NKAIN2: variants seen among roughly 807,000 people sequenced by gnomAD.
NKAIN2 encodes sodium/potassium-transporting ATPase subunit beta-1-interacting protein 2.
A neutral mutation model predicts 32.6 loss-of-function variants in NKAIN2; 14 were observed. The observed-to-expected ratio is 0.43, with a 90% CI of 0.28 to 0.67. The LOEUF (loss-of-function observed/expected upper bound fraction) is 0.67, where lower values mean the gene tolerates loss of function less well. Among genes scored for constraint, NKAIN2 ranks in the 30% least tolerant of loss-of-function variants. The pLI is 0.17. For missense variants in NKAIN2, 198 were observed against 258.3 expected (o/e 0.77, Z 1.60); for synonymous variants, 80 against 87.2 (o/e 0.92, Z 0.46).
intron 4 of NKAIN2, among the ~76,000 whole-genome samples, chr6:124,709,828 C>T (rs2114599172): frequency 6.6e-6 from 1 of 151,242 alleles, no homozygotes; most frequent in East Asian, 1.9e-4. Context: ...GTCTCTATTT[C>T]CTTCAGTTCT....
intron 4 of NKAIN2, among the ~76,000 whole-genome samples, chr6:124,784,052 T>C (rs1356185045): frequency 6.6e-6 from 1 of 152,148 alleles, no homozygotes; most frequent in Admixed American, 6.6e-5. Flanking sequence ...TCTTTGTACT[T>C]AAGAAAACAA....
intron 3 of NKAIN2, among the ~76,000 whole-genome samples, chr6:124,358,727 G>T (rs570668995): frequency 6.6e-6 from 1 of 151,888 alleles, no homozygotes; most frequent in South Asian, 2.1e-4. Flanking sequence ...TAGGTTGCCT[G>T]TTCACTCTGA....
At chr6:124,382,277 AAGGAGAAAGG>A (rs537133095) in intron 3 of NKAIN2, among the ~76,000 whole-genome samples, 321 of 118,852 alleles carry the variant, frequency 2.7e-3, no homozygotes, top group African/African-American at 0.011. Context: ...GAGGAGAAAA[AAGGAGAAAGG>A]AGAAATTGAT....
Position 124,050,147 on chromosome 6 carries a change from G to T in NKAIN2, c.55-232858G>T, listed in dbSNP as rs868151256. ...ATATGGGGGAGCTACTATCAATATA[G>T]TGGCAAATAATGAGCCAATTGGGAA... On this transcript the variant is annotated intron_variant, in intron 1 of 6. Coordinates refer to ENST00000368417, the MANE Select transcript of NKAIN2 (RefSeq NM_001040214.3). 2.4e-3 allele frequency among the ~76,000 whole-genome samples: 359 copies of T among 152,068 alleles called. 1 individual carries two copies. Among genetic ancestry groups the T allele is most frequent in the African/African-American group, 8.1e-3 (335 of 41,520 alleles).
intron 1 of NKAIN2, among the ~76,000 whole-genome samples, chr6:124,019,373 G>C (rs187782766): frequency 4.8e-4 from 73 of 151,050 alleles, no homozygotes; most frequent in Non-Finnish European, 9.4e-4. Flanking sequence ...TTTCCAGAGA[G>C]TAATTTTCTG....
chr6:124,035,809 A>G (rs1344369797), intron 1 of NKAIN2, among the ~76,000 whole-genome samples: 4 of 152,140 alleles, frequency 2.6e-5, no homozygotes, highest in Admixed American at 2.6e-4. Flanking sequence ...GCAAGAAATT[A>G]AAGACACTGT....
chr6:124,786,034 G>A (rs540560967), intron 4 of NKAIN2, among the ~76,000 whole-genome samples: 1 of 152,188 alleles, frequency 6.6e-6, no homozygotes, highest in East Asian at 1.9e-4. Context: ...CTAAAACAAA[G>A]AGGTACTATC....
intron 2 of NKAIN2, among the ~76,000 whole-genome samples, chr6:124,340,400 C>A (rs12111443): frequency 0.011 from 1,601 of 152,154 alleles, 27 homozygotes; most frequent in African/African-American, 0.036. Flanking sequence ...ATTTTAGGTT[C>A]ATGGGTGCAC....
At chr6:124,115,514 A>G (rs1785567555) in intron 1 of NKAIN2, among the ~76,000 whole-genome samples, 4 of 152,126 alleles carry the variant, frequency 2.6e-5, no homozygotes, top group Admixed American at 2.0e-4. Context: ...AATTAAGGAA[A>G]AGTAAATGAG....
chr6:123,857,269 T>A (rs201245228), intron 1 of NKAIN2, among the ~76,000 whole-genome samples: 2,629 of 152,172 alleles, frequency 0.017, 79 homozygotes, highest in East Asian at 0.13. Flanking sequence ...TAGATTTTTT[T>A]TTTTTTTGCA....
At chr6:124,609,988 A>G (rs1261142245) in intron 3 of NKAIN2, among the ~76,000 whole-genome samples, 1 of 152,080 alleles carries the variant, frequency 6.6e-6, no homozygotes, top group East Asian at 1.9e-4. Flanking sequence ...TTCATTGGAG[A>G]GTTGTAACTA....
intron 1 of NKAIN2, among the ~76,000 whole-genome samples, chr6:124,055,636 A>G (rs1334449882): frequency 2.0e-5 from 3 of 151,944 alleles, no homozygotes; most frequent in African/African-American, 7.3e-5. Context: ...TTATTGGGTA[A>G]TTGTGCAACT....
chr6:124,072,968 TACTG>T (rs1178295999), intron 1 of NKAIN2, among the ~76,000 whole-genome samples: 1 of 152,202 alleles, frequency 6.6e-6, no homozygotes, highest in African/African-American at 2.4e-5. Flanking sequence ...GGACCATTTA[TACTG>T]ACTATGTTTG....
chr6:124,600,079 C>T (rs1445455099), intron 3 of NKAIN2, among the ~76,000 whole-genome samples: 1 of 152,006 alleles, frequency 6.6e-6, no homozygotes, highest in Non-Finnish European at 1.5e-5. Flanking sequence ...AACCATGCTA[C>T]AGTGAGTAAA....
chr6:124,218,228 G>C (rs953555376), intron 1 of NKAIN2, among the ~76,000 whole-genome samples: 12 of 152,032 alleles, frequency 7.9e-5, no homozygotes, highest in African/African-American at 2.9e-4. Context: ...ATATAATTAG[G>C]GCTTAAAAGA....
chr6:124,478,944 G>A (rs1777339935), intron 3 of NKAIN2, among the ~76,000 whole-genome samples: 1 of 152,128 alleles, frequency 6.6e-6, no homozygotes, highest in Non-Finnish European at 1.5e-5. Flanking sequence ...GGCAAATCAT[G>A]TTGAAAGCAT....
At chr6:124,140,688 A>T (rs1562381257) in intron 1 of NKAIN2, among the ~76,000 whole-genome samples, 1 of 152,090 alleles carries the variant, frequency 6.6e-6, no homozygotes, top group African/African-American at 2.4e-5. Context: ...CTATCCAGCT[A>T]TTTTTTTAAA....
At chr6:124,187,443 A>G (rs1789799848) in intron 1 of NKAIN2, among the ~76,000 whole-genome samples, 1 of 152,090 alleles carries the variant, frequency 6.6e-6, no homozygotes, top group Non-Finnish European at 1.5e-5. Context: ...TGTTTATTGC[A>G]GCCACCCATA....
intron 1 of NKAIN2, among the ~76,000 whole-genome samples, chr6:123,873,785 G>C (rs745773518): frequency 6.6e-6 from 1 of 152,098 alleles, no homozygotes; most frequent in Non-Finnish European, 1.5e-5. Context: ...CTGATCTTTC[G>C]TTATGCCTAT....
Sources: allele counts gnomAD v4.1 joint callset (sites outside exome capture counted in the v4.1 genomes callset), GRCh38; gene constraint gnomAD v4.1.1; transcripts MANE v1.5; gene names NCBI Gene and HGNC (gene_info 2026-07-23, HGNC 2026-07-21).